MRRF: variants seen among roughly 807,000 people sequenced by gnomAD.
MRRF encodes the protein ribosome-recycling factor, mitochondrial.
In MRRF, 18 loss-of-function variants were observed where a neutral mutation model predicts 25.1. The ratio of observed to expected loss-of-function variants is 0.72; its 90% CI spans 0.50 to 1.06. The LOEUF (loss-of-function observed/expected upper bound fraction) is 1.06. Among genes scored for constraint, MRRF ranks in the 50% least tolerant of loss-of-function variants. The pLI is 0.00. For synonymous variants in MRRF, 113 were observed against 112.1 expected, an observed-to-expected ratio of 1.01 and a Z score of -0.05; for missense variants, 323 against 319.3, an observed-to-expected ratio of 1.01 and a Z score of -0.09.
chr9:122,307,363 A>G (rs1834915916), intron 5 of MRRF, among the ~76,000 whole-genome samples: 1 of 152,200 alleles, frequency 6.6e-6, no homozygotes, highest in South Asian at 2.1e-4. Context: ...CTGCTGGAGC[A>G]GAATTCCTGT....
intron 5 of MRRF, among the ~76,000 whole-genome samples, chr9:122,308,876 T>C (rs1009044033): frequency 2.6e-5 from 4 of 152,090 alleles, no homozygotes; most frequent in African/African-American, 9.7e-5. Context: ...CTAATTTTAT[T>C]GTGTGTTGTA....
At position 122,323,010 on chromosome 9, in the gene MRRF, A is replaced by T; in HGVS notation, c.*393A>T. 3.6e-6 allele frequency: 1 copy of T among 280,866 alleles called. No homozygotes were observed. Among genetic ancestry groups the T allele is most frequent in the East Asian group, 7.6e-5 (1 of 13,078 alleles). The allele number at this position is 280,866 out of a possible 1,614,324, so 17.4% of individuals were successfully genotyped here. The stretch of plus-strand genomic sequence containing the variant: ...GATATTGGCCTTCACCTGTGACTGG[A>T]CACTTTACTAGAGGCCCATTTTCAC... On this transcript the variant is annotated 3_prime_UTR_variant, in exon 7 of 7. Coordinates refer to ENST00000344641, the MANE Select transcript of MRRF (RefSeq NM_138777.5).
chr9:122,273,691 C>T (rs551413812), intron 2 of MRRF, among the ~76,000 whole-genome samples: 3 of 152,152 alleles, frequency 2.0e-5, no homozygotes, highest in Non-Finnish European at 4.4e-5. Flanking sequence ...AAACTTACCA[C>T]ATGTCCCTTT....
intron 5 of MRRF, among the ~76,000 whole-genome samples, chr9:122,300,384 G>A (rs1228150409): frequency 6.6e-6 from 1 of 152,190 alleles, no homozygotes; most frequent in East Asian, 1.9e-4. Flanking sequence ...TGGGCAAGTT[G>A]CTTAATTTTT....
At chr9:122,280,390 A>G in intron 2 of MRRF, 53 bp from the exon 3 acceptor site, 1 of 1,600,342 alleles carries the variant, frequency 6.2e-7, no homozygotes, top group Non-Finnish European at 8.6e-7. Context: ...CCAATTGCTT[A>G]TTGGCTCTGT....
At chr9:122,283,723 C>A (rs577299327) in intron 3 of MRRF, among the ~76,000 whole-genome samples, 16 of 152,300 alleles carry the variant, frequency 1.1e-4, no homozygotes, top group African/African-American at 3.8e-4. Context: ...TCCATTTCCC[C>A]CCTTTTCTCT....
At chr9:122,296,055 G>C (rs916955458) in intron 5 of MRRF, among the ~76,000 whole-genome samples, 7 of 152,130 alleles carry the variant, frequency 4.6e-5, no homozygotes. Context: ...ATCAGTAACA[G>C]GCCAGGCTTG....
At chr9:122,315,042 GTTT>G (rs1835426011) in intron 6 of MRRF, among the ~76,000 whole-genome samples, 1 of 151,910 alleles carries the variant, frequency 6.6e-6, no homozygotes, top group Admixed American at 6.6e-5. Flanking sequence ...TAAAATGCTA[GTTT>G]TACTAGCATT....
intron 4 of MRRF, among the ~76,000 whole-genome samples, chr9:122,287,412 G>C (rs1833481768): frequency 6.6e-6 from 1 of 152,192 alleles, no homozygotes; most frequent in Admixed American, 6.5e-5. Context: ...TGATGAAAAG[G>C]GAACTGTCAA....
rs1180422450 is a variant in MRRF at position 122,324,251 on chromosome 9, C to T, written c.*1634C>T. Reference sequence around the variant, plus strand: ...CTAGAGTCCTTGATTTCCTTTGGTTCAGTTAATTTCCTAGGACAGCTCACA... The same window carrying T: ...CTAGAGTCCTTGATTTCCTTTGGTTTAGTTAATTTCCTAGGACAGCTCACA... On this transcript the variant is annotated 3_prime_UTR_variant, in exon 7 of 7. Transcript: ENST00000344641. 2 of 152,202 alleles carry T rather than the reference C, an allele frequency of 1.3e-5. No individual in the cohort carries two copies. The highest frequency in any genetic ancestry group is 3.9e-4 in the East Asian group (2 of 5,192). 9.4% of individuals were successfully genotyped at this position (152,202 alleles called of 1,614,324 possible).
At chr9:122,288,347 T>C (rs1025000194) in intron 4 of MRRF, among the ~76,000 whole-genome samples, 2 of 152,260 alleles carry the variant, frequency 1.3e-5, no homozygotes, top group African/African-American at 4.8e-5. Context: ...TGCTAGTCTC[T>C]TTCTCATGTT....
At chr9:122,275,512 G>A (rs1832723148) in intron 2 of MRRF, among the ~76,000 whole-genome samples, 1 of 152,240 alleles carries the variant, frequency 6.6e-6, no homozygotes, top group South Asian at 2.1e-4. Context: ...GCATGCGCCT[G>A]TAGTCCCAGC....
Position 122,329,645 on chromosome 9 carries a change from C to T in MRRF, c.*7028C>T, listed in dbSNP as rs1005031121. 1 of 152,368 alleles carries T rather than the reference C, an allele frequency of 6.6e-6. No individual in the cohort carries two copies. The highest frequency in any genetic ancestry group is 1.5e-5 in the Non-Finnish European group (1 of 68,154). The allele number at this position is 152,368 out of a possible 1,614,324, so 9.4% of individuals were successfully genotyped here. On this transcript the variant is annotated 3_prime_UTR_variant, in exon 7 of 7. Coordinates refer to ENST00000344641, the MANE Select transcript of MRRF (RefSeq NM_138777.5). ...GTCCCTCTCCCCTCATCCAATAAGT[C>T]ACCAAGTCCTGTCAATTCTCCCTTC...
chr9:122,305,569 G>C (rs1422145367), intron 5 of MRRF, among the ~76,000 whole-genome samples: 1 of 152,194 alleles, frequency 6.6e-6, no homozygotes, highest in Non-Finnish European at 1.5e-5. Context: ...TCAGCTCAGA[G>C]CTTGATACAG....
Position 122,278,447 on chromosome 9 carries a change from T to C in MRRF, c.185-1996T>C, listed in dbSNP as rs189724634. On this transcript the variant is annotated intron_variant, in intron 2 of 6. Transcript: ENST00000344641. ...GATTCGTTTTCTCTTTTTTTTTACT[T>C]TTCAGTTTATATTCTCATATCTGGC... Among the ~76,000 whole-genome samples the C allele has an allele frequency of 9.9e-5, 15 of 152,236 alleles. No individual in the cohort carries two copies. The East Asian group carries it at 2.7e-3, about 27-fold the overall frequency.
Position 122,329,760 on chromosome 9 carries a change from G to A in MRRF, c.*7143G>A, listed in dbSNP as rs1007107566. On this transcript the variant is annotated 3_prime_UTR_variant, in exon 7 of 7. Transcript: ENST00000344641. ...CAAATGTTCCAGGCTGGCCTCACCC[G>A]GGTCTCTAGACACTTGGCTCAGAGG... The A allele has an allele frequency of 6.6e-6, 1 of 152,296 alleles. No individual in the cohort carries two copies. The highest frequency in any genetic ancestry group is 2.4e-5 in the African/African-American group (1 of 41,452). 9.4% of individuals were successfully genotyped at this position (152,296 alleles called of 1,614,324 possible).
chr9:122,324,112 C>T lies in MRRF; in HGVS notation c.*1495C>T, dbSNP rs1836037797. On this transcript the variant is annotated 3_prime_UTR_variant, in exon 7 of 7. Transcript: ENST00000344641. ...TAATTCAATTCATTTCTGACATTAC[C>T]TGGAAATAGTGTCAGATCCCACAGG... The T allele has an allele frequency of 6.6e-6, 1 of 152,158 alleles. No individual in the cohort carries two copies. The highest frequency in any genetic ancestry group is 1.5e-5 in the Non-Finnish European group (1 of 68,026). The allele number at this position is 152,158 out of a possible 1,614,324, so 9.4% of individuals were successfully genotyped here.
intron 5 of MRRF, among the ~76,000 whole-genome samples, chr9:122,311,442 G>A (rs1358999578): frequency 6.6e-6 from 1 of 152,146 alleles, no homozygotes; most frequent in Non-Finnish European, 1.5e-5. Context: ...TTTTGACAAT[G>A]TCAGTGATTG....
At position 122,328,152 on chromosome 9, in the gene MRRF, T is replaced by G. The variant is rs1836189435; in HGVS notation, c.*5535T>G. 6.6e-6 allele frequency: 1 copy of G among 152,130 alleles called. No individual in the cohort carries two copies. 9.4% of individuals were successfully genotyped at this position (152,130 alleles called of 1,614,324 possible). ...ACACCTGGCTAACTTTTAAAATTAT[T>G]TGTAGAGACAAGGTCTTGGCTATGT... On this transcript the variant is annotated 3_prime_UTR_variant, in exon 7 of 7. Coordinates refer to ENST00000344641, the MANE Select transcript of MRRF (RefSeq NM_138777.5).
Sources: gnomAD v4.1 joint callset for allele counts (sites outside exome capture counted in the v4.1 genomes callset) on GRCh38, gnomAD v4.1.1 for gene constraint, MANE v1.5 for transcripts, NCBI Gene and HGNC (gene_info 2026-07-23, HGNC 2026-07-21) for gene names.